Variants in TP63 observed in about 807,000 individuals in gnomAD.
The protein encoded by TP63 is tumor protein 63.
Under a neutral mutation model 82.8 loss-of-function variants are expected in TP63, and 17 were observed. That is an observed-to-expected ratio of 0.21 (90% CI 0.14 to 0.31). TP63 has a LOEUF of 0.31. Among genes scored for constraint, TP63 ranks in the 10% least tolerant of loss-of-function variants. TP63 has a pLI of 1.00. For missense variants in TP63, 648 were observed against 895.3 expected, an observed-to-expected ratio of 0.72 and a Z score of 3.52; for synonymous variants, 330 against 321.7, an observed-to-expected ratio of 1.03 and a Z score of -0.28.
At chr3:189,623,074 A>G in the TP63 span, among the ~76,000 whole-genome samples, 1 of 152,196 alleles carries the variant, frequency 6.6e-6, no homozygotes, top group Non-Finnish European at 1.5e-5. Context: ...TGTGTTCCCT[A>G]GGTAAACACT....
intron 4 of TP63, among the ~76,000 whole-genome samples, chr3:189,861,495 G>A (rs1358235431): frequency 6.6e-6 from 1 of 152,108 alleles, no homozygotes; most frequent in African/African-American, 2.4e-5. Flanking sequence ...GCCTCATAAA[G>A]TCCTCAATAA....
chr3:189,859,254 T>C (rs1258884531), intron 4 of TP63, among the ~76,000 whole-genome samples: 1 of 152,170 alleles, frequency 6.6e-6, no homozygotes, highest in Non-Finnish European at 1.5e-5. Flanking sequence ...AATTCTTTTG[T>C]ATCAATCATA....
At chr3:189,654,143 A>T (rs745822196) in intron 1 of TP63, among the ~76,000 whole-genome samples, 1 of 152,128 alleles carries the variant, frequency 6.6e-6, no homozygotes, top group African/African-American at 2.4e-5. Flanking sequence ...CATGTATCTC[A>T]TTTGCCAGTA....
the TP63 span, among the ~76,000 whole-genome samples, chr3:189,604,090 T>C: frequency 6.6e-6 from 1 of 152,074 alleles, no homozygotes; most frequent in Admixed American, 6.6e-5. Flanking sequence ...ATCAGGGAAG[T>C]AGTGTGCAAA....
chr3:189,615,161 C>T, the TP63 span, among the ~76,000 whole-genome samples: 9 of 152,200 alleles, frequency 5.9e-5, no homozygotes, highest in Admixed American at 6.5e-5. Flanking sequence ...TTTCTGGCCT[C>T]GTATAACCTG....
chr3:189,812,243 CTG>C (rs1213784712), intron 4 of TP63, among the ~76,000 whole-genome samples: 2 of 152,086 alleles, frequency 1.3e-5, no homozygotes, highest in African/African-American at 4.8e-5. Context: ...CTTTGCGTTT[CTG>C]TGTTTTAAAT....
At chr3:189,672,208 AG>A (rs1481058724) in intron 1 of TP63, among the ~76,000 whole-genome samples, 3 of 152,146 alleles carry the variant, frequency 2.0e-5, no homozygotes, top group Non-Finnish European at 2.9e-5. Context: ...GGAAAAAAAT[AG>A]GTTGCAGCCA....
In TP63 at chr3:189,687,665, A is replaced by G. The variant is rs139905200; in HGVS notation, c.63-50075A>G. Among the ~76,000 whole-genome samples the G allele has an allele frequency of 1.7e-4, 26 of 152,322 alleles. No homozygotes were observed. The East Asian group carries it at 4.6e-3, about 27-fold the overall frequency. On this transcript the variant is annotated intron_variant, in intron 1 of 13. Coordinates refer to ENST00000264731, the MANE Select transcript of TP63 (RefSeq NM_003722.5). ...CGTAGTAGGGCCACTAGAGGGAAAT[A>G]TCAAGCTTCAAATGGGCGACTGGAC...
In TP63 at chr3:189,631,439, T is replaced by G; in HGVS notation, c.-77T>G. 6.2e-7 allele frequency: 1 copy of G among 1,604,624 alleles called. No individual in the cohort carries two copies. The highest frequency in any genetic ancestry group is 8.5e-7 in the Non-Finnish European group (1 of 1,175,320). Reference sequence around the variant, plus strand: ...TTGCTTTTAGCCTCCCGGCTTTATATCTATATATACACAGGTATATGTGTA... The same window carrying G: ...TTGCTTTTAGCCTCCCGGCTTTATAGCTATATATACACAGGTATATGTGTA... On this transcript the variant is annotated 5_prime_UTR_variant, in exon 1 of 14. Transcript: ENST00000264731.
chr3:189,697,575 C>CAA (rs201937835), intron 1 of TP63, among the ~76,000 whole-genome samples: 140 of 149,914 alleles, frequency 9.3e-4, no homozygotes, highest in Admixed American at 1.7e-3. Context: ...GCCAATATCT[C>CAA]AAAAAAAAAT....
chr3:189,893,583 CA>C (rs978376544), intron 13 of TP63, among the ~76,000 whole-genome samples: 1 of 152,166 alleles, frequency 6.6e-6, no homozygotes, highest in African/African-American at 2.4e-5. Context: ...ATTCAAACAC[CA>C]AGAGACCTTT....
At chr3:189,742,463 A>AT (rs1721070800) in intron 3 of TP63, among the ~76,000 whole-genome samples, 1 of 150,650 alleles carries the variant, frequency 6.6e-6, no homozygotes, top group African/African-American at 2.4e-5. Context: ...CCTGTATTGG[A>AT]TTTTTCCCTG....
At chr3:189,669,143 G>A (rs763352455) in intron 1 of TP63, among the ~76,000 whole-genome samples, 13 of 152,058 alleles carry the variant, frequency 8.5e-5, no homozygotes, top group Non-Finnish European at 1.6e-4. Flanking sequence ...ATGGAATAGC[G>A]TCTTTTAAAT....
At chr3:189,654,708 A>T (rs1713182342) in intron 1 of TP63, among the ~76,000 whole-genome samples, 1 of 152,220 alleles carries the variant, frequency 6.6e-6, no homozygotes, top group Admixed American at 6.5e-5. Flanking sequence ...AAATCTATTA[A>T]TTACAAAGCC....
chr3:189,816,147 A>AC (rs1446366406), intron 4 of TP63, among the ~76,000 whole-genome samples: 3 of 152,240 alleles, frequency 2.0e-5, no homozygotes, highest in Admixed American at 1.3e-4. Context: ...CAGCTTACTA[A>AC]CAGATAGCTT....
the TP63 span, among the ~76,000 whole-genome samples, chr3:189,601,904 C>T: frequency 3.9e-5 from 6 of 152,164 alleles, no homozygotes; most frequent in East Asian, 1.9e-4. Flanking sequence ...GAGATGCCCA[C>T]GGTATGCTCT....
At chr3:189,826,289 T>C (rs1367301240) in intron 4 of TP63, among the ~76,000 whole-genome samples, 1 of 152,216 alleles carries the variant, frequency 6.6e-6, no homozygotes, top group Non-Finnish European at 1.5e-5. Context: ...AGGTTGATTA[T>C]ATTTGATGAG....
chr3:189,684,210 T>C (rs1395905065), intron 1 of TP63, among the ~76,000 whole-genome samples: 1 of 152,232 alleles, frequency 6.6e-6, no homozygotes. Context: ...ACCTATGGTA[T>C]GTAAGACACT....
At position 189,723,558 on chromosome 3, in the gene TP63, C is replaced by T. The variant is rs181260753; in HGVS notation, c.63-14182C>T. ...TCAACAAACATTTGTTTGACACCCC[C>T]TCTGTGCCATATACTGTGCTAATCT... On this transcript the variant is annotated intron_variant, in intron 1 of 13. Coordinates refer to ENST00000264731, the MANE Select transcript of TP63 (RefSeq NM_003722.5). 2.9e-4 allele frequency among the ~76,000 whole-genome samples: 44 copies of T among 152,326 alleles called. 2 individuals carry two copies. The East Asian group carries it at 7.5e-3, about 26-fold the overall frequency.
Sources: gnomAD v4.1 joint callset for allele counts (sites outside exome capture counted in the v4.1 genomes callset) on GRCh38, gnomAD v4.1.1 for gene constraint, MANE v1.5 for transcripts, NCBI Gene and HGNC (gene_info 2026-07-23, HGNC 2026-07-21) for gene names.